Variants in RNF115 observed in about 807,000 individuals in gnomAD.
RNF115 encodes ring finger protein 115, also known as E3 ubiquitin-protein ligase RNF115.
RNF115 carries 31 observed loss-of-function variants against 39.2 expected under a neutral mutation model. That is an observed-to-expected ratio of 0.79 (90% CI 0.59 to 1.07). The LOEUF is 1.07. RNF115 is among the 50% of genes least tolerant of loss of function. The probability of loss-of-function intolerance (pLI) is 0.00; values close to 1 mark genes in which losing one functional copy is unlikely to be tolerated. For synonymous variants in RNF115, 124 were observed against 131.0 expected (o/e 0.95, Z 0.37); for missense variants, 384 against 381.7 (o/e 1.01, Z -0.05).
chr1:145,762,922 CAT>C (rs1553714050), intron 4 of RNF115, among the ~76,000 whole-genome samples: 6 of 152,182 alleles, frequency 3.9e-5, no homozygotes, highest in Admixed American at 3.3e-4. Context: ...AGAAATACCA[CAT>C]GTTCTCACTT....
intron 1 of RNF115, among the ~76,000 whole-genome samples, chr1:145,793,474 C>T (rs1553719275): frequency 6.6e-6 from 1 of 151,964 alleles, no homozygotes; most frequent in Admixed American, 6.6e-5. Flanking sequence ...GTGCTAGGCC[C>T]TCTTTCTTCT....
chr1:145,761,803 C>G lies in RNF115; in HGVS notation c.429-8754G>C, dbSNP rs192717580. Among the ~76,000 whole-genome samples, 3 of 152,312 alleles carry G rather than the reference C, an allele frequency of 2.0e-5. No homozygotes were observed. The East Asian group carries it at 5.8e-4, about 29-fold the overall frequency. On this transcript the variant is annotated intron_variant, in intron 4 of 8. Coordinates refer to ENST00000582693, the MANE Select transcript of RNF115 (RefSeq NM_014455.4). ...GATCCCAGAATGGTAGATCCACTGA[C>G]AGCTTGCACCAATGCGCCTGGAAAA...
In RNF115 at chr1:145,744,189, T is replaced by TCCA. The variant is rs1192517058; in HGVS notation, c.*2674_*2676dup. 6.6e-6 allele frequency: 1 copy of TCCA among 152,290 alleles called. No individual in the cohort carries two copies. The highest frequency in any genetic ancestry group is 6.5e-5 in the Admixed American group (1 of 15,276). 9.4% of individuals were successfully genotyped at this position (152,290 alleles called of 1,614,324 possible). On this transcript the variant is annotated 3_prime_UTR_variant, in exon 9 of 9. Transcript: ENST00000582693. ...CTCCAGACACTGACAAGCAAATATG[T>TCCA]CCAGGCTGTCATGATTTTTCTGAGA...
rs1326370022 is a variant in RNF115 at position 145,809,207 on chromosome 1, GACAGAGTCTC to G, written c.102+14555_102+14564del. Among the ~76,000 whole-genome samples, 8 of 131,614 alleles carry G rather than the reference GACAGAGTCTC, an allele frequency of 6.1e-5. No individual in the cohort carries two copies. In the South Asian group the frequency reaches 1.2e-3, roughly 19 times the overall value. 86.3% of individuals were successfully genotyped at this position (131,614 alleles called of 152,430 possible). On this transcript the variant is annotated intron_variant, in intron 1 of 8. Coordinates refer to ENST00000582693, the MANE Select transcript of RNF115 (RefSeq NM_014455.4). ...GATTTTTTTTTTTTTTTTTTTTTGA[GACAGAGTCTC>G]ACTCTGTTGCCCAGGCTGGAGTGCA...
intron 3 of RNF115, chr1:145,772,310 G>T: frequency 5.8e-6 from 1 of 172,026 alleles, no homozygotes; most frequent in Non-Finnish European, 1.3e-5. Context: ...AATTACGAAT[G>T]TTTAATTAAA....
At chr1:145,791,509 C>T (rs112994792) in intron 1 of RNF115, among the ~76,000 whole-genome samples, 123,861 of 149,068 alleles carry the variant, frequency 0.83, 51,635 homozygotes, top group African/African-American at 0.88. Flanking sequence ...CGAAACTCCA[C>T]CTCAAAAAAA....
At position 145,780,200 on chromosome 1, in the gene RNF115, C is replaced by G. The variant is rs1553717120; in HGVS notation, c.219+4339G>C. ...CCGAGATCGTGCCATTGCACTCCAG[C>G]CTGGGCAACAGAGCGAGACCCCGTC... On this transcript the variant is annotated intron_variant, in intron 3 of 8. Coordinates refer to ENST00000582693, the MANE Select transcript of RNF115 (RefSeq NM_014455.4). Among the ~76,000 whole-genome samples, 8 of 151,916 alleles carry G rather than the reference C, an allele frequency of 5.3e-5. No homozygotes were observed. The South Asian group carries it at 1.5e-3, about 28-fold the overall frequency.
At chr1:145,767,825 C>T (rs898011502) in intron 4 of RNF115, among the ~76,000 whole-genome samples, 5 of 152,366 alleles carry the variant, frequency 3.3e-5, no homozygotes, top group Admixed American at 3.3e-4. Flanking sequence ...ATACGAAAAC[C>T]AGTCAGGCGT....
chr1:145,763,175 A>C (rs587743805), intron 4 of RNF115, among the ~76,000 whole-genome samples: 3 of 152,238 alleles, frequency 2.0e-5, no homozygotes, highest in Admixed American at 2.0e-4. Context: ...AAAAATTAAA[A>C]AATAAAAACC....
chr1:145,816,065 GAAT>G (rs1180315111), intron 1 of RNF115, among the ~76,000 whole-genome samples: 4 of 49,768 alleles, frequency 8.0e-5, no homozygotes, highest in Admixed American at 6.9e-4. Flanking sequence ...TCCTCTTTTT[GAAT>G]GGTTTTTTTT....
rs782068930 is a variant in RNF115, at chr1:145,771,796, C to T, written c.343G>A (p.Gly115Arg). ...AATGGCAACCGTGGAGGTCTTGCTC[C>T]CCAGAAGTCAGTGTGAGTCTGGTGA... ...RGHQTHTDFW[G>R]ARPPRLPLGR... The change falls in exon 4 of 9, where the codon GGA (glycine) becomes AGA (arginine). Residue 115 changes from glycine (G) to arginine (R), a missense_variant. Coordinates refer to ENST00000582693, the MANE Select transcript of RNF115 (RefSeq NM_014455.4). 1.2e-6 allele frequency: 2 copies of T among 1,614,138 alleles called. No homozygotes were observed. The highest frequency in any genetic ancestry group is 3.3e-5 in the Admixed American group (2 of 60,020).
chr1:145,765,494 G>A (rs1658734700), intron 4 of RNF115, among the ~76,000 whole-genome samples: 1 of 151,992 alleles, frequency 6.6e-6, no homozygotes, highest in African/African-American at 2.4e-5. Context: ...AATCTGGATG[G>A]AATTTCTCTT....
chr1:145,822,575 ACATT>A (rs1305955404), intron 1 of RNF115, among the ~76,000 whole-genome samples: 6,054 of 146,498 alleles, frequency 0.041, 257 homozygotes, highest in African/African-American at 0.15. Flanking sequence ...ATAGAAACAT[ACATT>A]ATGTTGCCAC....
At chr1:145,792,604 T>C (rs1008844000) in intron 1 of RNF115, among the ~76,000 whole-genome samples, 3 of 152,088 alleles carry the variant, frequency 2.0e-5, no homozygotes, top group Non-Finnish European at 2.9e-5. Context: ...CAATGAACAC[T>C]AGAAACAGAA....
In RNF115 at chr1:145,763,879, T is replaced by C. The variant is rs1178280693; in HGVS notation, c.428+7832A>G. On this transcript the variant is annotated intron_variant, in intron 4 of 8. Coordinates refer to ENST00000582693, the MANE Select transcript of RNF115 (RefSeq NM_014455.4). ...AATATTTTACCGTCTTAAAAAATTA[T>C]TTGGCCCTCCCCCTCCCCCTCCCCC... Among the ~76,000 whole-genome samples, 5 of 149,594 alleles carry C rather than the reference T, an allele frequency of 3.3e-5. No homozygotes were observed. The East Asian group carries it at 1.0e-3, about 30-fold the overall frequency.
At chr1:145,787,025 GT>G (rs1559120434) in intron 2 of RNF115, 2 of 1,270,014 alleles carry the variant, frequency 1.6e-6, no homozygotes, top group Non-Finnish European at 2.1e-6. Context: ...AAAATGTGTA[GT>G]TTTTCCTGGT....
chr1:145,797,102 C>T (rs1649019670), intron 1 of RNF115, among the ~76,000 whole-genome samples: 1 of 152,194 alleles, frequency 6.6e-6, no homozygotes, highest in Non-Finnish European at 1.5e-5. Flanking sequence ...CCCCTCAACC[C>T]ATCATGATTG....
chr1:145,804,097 C>T (rs1263354126), intron 1 of RNF115, among the ~76,000 whole-genome samples: 1 of 152,198 alleles, frequency 6.6e-6, no homozygotes, highest in Non-Finnish European at 1.5e-5. Flanking sequence ...AATGTACTTT[C>T]TTGCTTTTAG....
At chr1:145,748,261 C>T in intron 7 of RNF115, 151 bp from the exon 8 acceptor site, 2 of 594,650 alleles carry the variant, frequency 3.4e-6, no homozygotes, top group South Asian at 3.9e-5. Flanking sequence ...AGCTAAGAGG[C>T]ATGACTTGTA....
Sources: gnomAD v4.1 joint callset for allele counts (sites outside exome capture counted in the v4.1 genomes callset) on GRCh38, gnomAD v4.1.1 for gene constraint, MANE v1.5 for transcripts, NCBI Gene and HGNC (gene_info 2026-07-23, HGNC 2026-07-21) for gene names.